The following IKZF3 variants were observed in gnomAD, a reference collection of about 807,000 sequenced individuals.
IKZF3 encodes the protein IKAROS family zinc finger 3.
Under a neutral mutation model 49.0 loss-of-function variants are expected in IKZF3, and 10 were observed. The observed-to-expected ratio is 0.20, with a 90% CI of 0.13 to 0.35. The LOEUF (loss-of-function observed/expected upper bound fraction) is 0.35. Ranked by LOEUF, IKZF3 falls within the 10% of genes least tolerant of loss-of-function variation. The pLI is 1.00. For synonymous variants in IKZF3, 209 were observed against 228.2 expected (o/e 0.92, Z 0.76); for missense variants, 498 against 664.8 (o/e 0.75, Z 2.76).
At chr17:39,777,587 C>A in intron 7 of IKZF3, 64 bp downstream of exon 7, 4 of 1,117,450 alleles carry the variant, frequency 3.6e-6, no homozygotes, top group Non-Finnish European at 4.0e-6. Flanking sequence ...GTGTAGCAAG[C>A]ATCCTATGTT....
At chr17:39,775,510 C>A (rs1020006867) in intron 7 of IKZF3, among the ~76,000 whole-genome samples, 11 of 152,186 alleles carry the variant, frequency 7.2e-5, no homozygotes, top group Admixed American at 3.3e-4. Flanking sequence ...ACCAAAGCAA[C>A]TTTTATTATA....
intron 1 of IKZF3, among the ~76,000 whole-genome samples, chr17:39,847,888 G>T (rs2062680133): frequency 6.6e-6 from 1 of 152,164 alleles, no homozygotes; most frequent in Admixed American, 6.5e-5. Context: ...TTGCTTCAGA[G>T]AATTTAAATC....
In IKZF3 at chr17:39,772,403, C is replaced by T. The variant is rs78816212; in HGVS notation, c.826+5248G>A. 6.8e-3 allele frequency among the ~76,000 whole-genome samples: 1,032 copies of T among 152,302 alleles called. 13 individuals carry two copies. Among genetic ancestry groups the T allele is most frequent in the African/African-American group, 0.024 (988 of 41,552 alleles). ...TCTTCAAGTCACTTAAATGTGTTTGCTGCTGCGTCATATAATTTCCCACAA... is the reference window on the plus strand; with the variant it reads ...TCTTCAAGTCACTTAAATGTGTTTGTTGCTGCGTCATATAATTTCCCACAA... On this transcript the variant is annotated intron_variant, in intron 7 of 7. Transcript: ENST00000346872.
intron 6 of IKZF3, among the ~76,000 whole-genome samples, chr17:39,786,191 G>A (rs1225934060): frequency 6.6e-6 from 1 of 152,014 alleles, no homozygotes; most frequent in African/African-American, 2.4e-5. Flanking sequence ...ACTTTAAAAA[G>A]GTAAATTTTA....
At chr17:39,849,468 G>A (rs1021875572) in intron 1 of IKZF3, among the ~76,000 whole-genome samples, 2 of 152,138 alleles carry the variant, frequency 1.3e-5, no homozygotes, top group African/African-American at 4.8e-5. Context: ...AGACCAGCCT[G>A]GCCAACATGG....
intron 6 of IKZF3, among the ~76,000 whole-genome samples, chr17:39,785,055 A>C (rs907728018): frequency 4.7e-4 from 72 of 152,212 alleles, no homozygotes; most frequent in African/African-American, 1.6e-3. Context: ...CAAGTGACGG[A>C]TGAGGCATAA....
intron 3 of IKZF3, among the ~76,000 whole-genome samples, chr17:39,799,363 A>AACTCTTATTT (rs1366471999): frequency 6.6e-6 from 1 of 152,204 alleles, no homozygotes; most frequent in African/African-American, 2.4e-5. Flanking sequence ...GTAGCAAAGA[A>AACTCTTATTT]ACTCTTATTT....
At chr17:39,836,353 G>C (rs1399921649) in intron 1 of IKZF3, among the ~76,000 whole-genome samples, 1 of 152,194 alleles carries the variant, frequency 6.6e-6, no homozygotes, top group Non-Finnish European at 1.5e-5. Context: ...TGTTGGAGTG[G>C]CTGCTGAAGG....
chr17:39,832,211 A>G, intron 1 of IKZF3, 60 bp from the exon 2 acceptor site: 1 of 1,281,436 alleles, frequency 7.8e-7, no homozygotes, highest in Non-Finnish European at 1.1e-6. Context: ...AGGTTTGAGC[A>G]TTCCAAATTT....
intron 7 of IKZF3, among the ~76,000 whole-genome samples, chr17:39,769,729 T>G (rs2060388360): frequency 6.6e-6 from 1 of 152,054 alleles, no homozygotes; most frequent in Non-Finnish European, 1.5e-5. Flanking sequence ...TTGAGAAACT[T>G]TTTCTCTTTT....
intron 4 of IKZF3, among the ~76,000 whole-genome samples, chr17:39,792,168 T>A (rs2061040807): frequency 6.6e-6 from 1 of 152,114 alleles, no homozygotes; most frequent in African/African-American, 2.4e-5. Flanking sequence ...AGTCTTCATA[T>A]GAGATATGGG....
At chr17:39,848,944 AAGTGGT>A (rs2062713792) in intron 1 of IKZF3, among the ~76,000 whole-genome samples, 1 of 152,150 alleles carries the variant, frequency 6.6e-6, no homozygotes, top group African/African-American at 2.4e-5. Flanking sequence ...TACCCTCCCA[AAGTGGT>A]AGGATTACAG....
At chr17:39,768,605 C>G (rs2060355717) in intron 7 of IKZF3, among the ~76,000 whole-genome samples, 1 of 152,180 alleles carries the variant, frequency 6.6e-6, no homozygotes, top group South Asian at 2.1e-4. Context: ...GTCACTTAAC[C>G]TATGTTCCGT....
chr17:39,792,587 C>A, intron 4 of IKZF3, 86 bp downstream of exon 4: 1 of 1,408,534 alleles, frequency 7.1e-7, no homozygotes, highest in Non-Finnish European at 9.6e-7. Flanking sequence ...ATGAAAGTAA[C>A]CAAAAGTTCC....
intron 3 of IKZF3, among the ~76,000 whole-genome samples, chr17:39,813,815 T>A (rs2061616907): frequency 6.6e-6 from 1 of 152,112 alleles, no homozygotes; most frequent in Non-Finnish European, 1.5e-5. Context: ...ATCCCATGAG[T>A]GACAGGTCTT....
intron 1 of IKZF3, among the ~76,000 whole-genome samples, chr17:39,851,076 G>C (rs1285039596): frequency 6.7e-6 from 1 of 149,906 alleles, no homozygotes; most frequent in East Asian, 1.9e-4. Context: ...TATATAGAGA[G>C]AGAGGGAGGG....
In IKZF3 at chr17:39,829,469, A is replaced by T. The variant is rs368625379; in HGVS notation, c.81T>A (p.Asn27Lys). 6 of 1,613,438 alleles carry T rather than the reference A, an allele frequency of 3.7e-6. No individual in the cohort carries two copies. Among genetic ancestry groups the T allele is most frequent in the Non-Finnish European group, 4.2e-6 (5 of 1,179,480 alleles). The part of the protein sequence containing the change: ...SVPAESAAVL[N>K]DYSLTKSHEM... ...CATGAGATTTGGTTAAACTGTAGTCATTCAAAACCGCTGCACTTTCTAAAA... is the reference window on the plus strand; with the variant it reads ...CATGAGATTTGGTTAAACTGTAGTCTTTCAAAACCGCTGCACTTTCTAAAA... The change falls in exon 3 of 8, where the codon AAT becomes AAA. Residue 27 changes from asparagine to lysine, a missense_variant. Around this residue, in one of 3 missense-constraint regions of IKZF3, gnomAD observed 97 missense variants for 98.9 expected, o/e 0.98. Transcript: ENST00000346872.
chr17:39,826,611 A>G (rs936641577), intron 3 of IKZF3, among the ~76,000 whole-genome samples: 19 of 152,212 alleles, frequency 1.2e-4, no homozygotes, highest in African/African-American at 4.6e-4. Flanking sequence ...GCCCTGTGGA[A>G]ATCACTATGG....
chr17:39,834,930 AG>A (rs34770275), intron 1 of IKZF3: 5,438 of 358,704 alleles, frequency 0.015, 286 homozygotes, highest in African/African-American at 0.11. Flanking sequence ...AAGCCATGGG[AG>A]GGGGTAGGCT....
Sources: gnomAD v4.1 joint callset for allele counts (sites outside exome capture counted in the v4.1 genomes callset) on GRCh38, gnomAD v4.1.1 for gene constraint, gnomAD v4.1.1 regional missense constraint, MANE v1.5 for transcripts, NCBI Gene and HGNC (gene_info 2026-07-23, HGNC 2026-07-21) for gene names.